GUCY1A2: variants seen among roughly 807,000 people sequenced by gnomAD.
GUCY1A2 encodes the protein guanylate cyclase soluble subunit alpha-2.
A neutral mutation model predicts 63.5 loss-of-function variants in GUCY1A2; 27 were observed. That is an observed-to-expected ratio of 0.43 (90% confidence interval 0.31 to 0.59). The LOEUF (loss-of-function observed/expected upper bound fraction) is 0.59, where lower values mean the gene tolerates loss of function less well. Among genes scored for constraint, GUCY1A2 ranks in the 20% least tolerant of loss-of-function variants. GUCY1A2 has a pLI of 0.11. For synonymous variants in GUCY1A2, 364 were observed against 343.5 expected, an observed-to-expected ratio of 1.06 and a Z score of -0.66; for missense variants, 768 against 913.3, an observed-to-expected ratio of 0.84 and a Z score of 2.05.
chr11:106,977,199 T>C (rs1012017107), intron 3 of GUCY1A2, among the ~76,000 whole-genome samples: 1 of 152,178 alleles, frequency 6.6e-6, no homozygotes, highest in African/African-American at 2.4e-5. Context: ...TAGTGTGGCA[T>C]CATCACCCCA....
chr11:106,706,655 TC>T (rs1459555885), intron 7 of GUCY1A2, among the ~76,000 whole-genome samples: 1 of 135,220 alleles, frequency 7.4e-6, no homozygotes, highest in Admixed American at 7.7e-5. Context: ...CTTTTACACA[TC>T]TTTTTTTTTT....
chr11:106,779,803 T>A (rs1864426833), intron 5 of GUCY1A2, among the ~76,000 whole-genome samples: 1 of 152,194 alleles, frequency 6.6e-6, no homozygotes, highest in Admixed American at 6.5e-5. Flanking sequence ...TGTTACCAAC[T>A]GATACATAAA....
rs534405408 is a variant in GUCY1A2, at chr11:106,895,778, A to G, written c.1206+43682T>C. 4.6e-5 allele frequency among the ~76,000 whole-genome samples: 7 copies of G among 152,260 alleles called. No homozygotes were observed. The East Asian group carries it at 1.4e-3, about 29-fold the overall frequency. On this transcript the variant is annotated intron_variant, in intron 4 of 7. Transcript: ENST00000526355. Reference sequence around the variant, plus strand: ...GAGGCCAGTATCACCCTAATAACAAAACCAGACAAAGACATTACAAGAAAA... The same window carrying G: ...GAGGCCAGTATCACCCTAATAACAAGACCAGACAAAGACATTACAAGAAAA...
At chr11:106,941,275 A>G (rs916070805) in intron 3 of GUCY1A2, among the ~76,000 whole-genome samples, 1 of 152,198 alleles carries the variant, frequency 6.6e-6, no homozygotes, top group Non-Finnish European at 1.5e-5. Flanking sequence ...GGATATTACA[A>G]TGAAAAATAA....
At chr11:106,724,552 A>G (rs927818529) in intron 6 of GUCY1A2, among the ~76,000 whole-genome samples, 1 of 152,098 alleles carries the variant, frequency 6.6e-6, no homozygotes, top group African/African-American at 2.4e-5. Context: ...TTCCAACCAC[A>G]CTGGGTTATC....
At chr11:106,878,782 T>TA (rs372754272) in intron 4 of GUCY1A2, among the ~76,000 whole-genome samples, 94,684 of 137,982 alleles carry the variant, frequency 0.69, 32,559 homozygotes, top group Non-Finnish European at 0.75. Flanking sequence ...ACTTAAAAGT[T>TA]AAAAAAAAAA....
At chr11:106,839,532 T>C (rs1859166631) in intron 4 of GUCY1A2, among the ~76,000 whole-genome samples, 1 of 152,002 alleles carries the variant, frequency 6.6e-6, no homozygotes, top group Non-Finnish European at 1.5e-5. Context: ...GGAATATAAA[T>C]CACGCTACTA....
intron 1 of GUCY1A2, among the ~76,000 whole-genome samples, chr11:107,006,641 A>G (rs975768553): frequency 6.6e-6 from 1 of 152,230 alleles, no homozygotes; most frequent in African/African-American, 2.4e-5. Flanking sequence ...ACTTGGTCAG[A>G]CCACAAGTAC....
chr11:106,675,976 A>G lies in GUCY1A2; in HGVS notation c.*11573T>C. On this transcript the variant is annotated 3_prime_UTR_variant, in exon 8 of 8. Transcript: ENST00000526355. ...AACAGAAAAGTCCAAATAAGAAATG[A>G]GAACCAAAATTCAAGGGTATTTAAC... The G allele has an allele frequency of 5.2e-6, 1 of 190,928 alleles. No homozygotes were observed. Among genetic ancestry groups the G allele is most frequent in the Non-Finnish European group, 1.1e-5 (1 of 90,954 alleles). The allele number at this position is 190,928 out of a possible 1,614,324, so 11.8% of individuals were successfully genotyped here.
chr11:106,892,783 C>T (rs1859992265), intron 4 of GUCY1A2, among the ~76,000 whole-genome samples: 1 of 152,070 alleles, frequency 6.6e-6, no homozygotes, highest in Non-Finnish European at 1.5e-5. Context: ...TGAAAATTAT[C>T]CAATGTGTAG....
At chr11:106,979,481 A>G (rs1042601050) in intron 2 of GUCY1A2, among the ~76,000 whole-genome samples, 43 of 151,680 alleles carry the variant, frequency 2.8e-4, no homozygotes, top group Non-Finnish European at 5.9e-4. Flanking sequence ...AAAAAGAAGA[A>G]GATAGCAGTA....
intron 4 of GUCY1A2, among the ~76,000 whole-genome samples, chr11:106,854,783 C>T (rs927678707): frequency 1.3e-5 from 2 of 152,128 alleles, no homozygotes; most frequent in Non-Finnish European, 2.9e-5. Flanking sequence ...TGAAGGTGCA[C>T]ACAGTTGTGA....
chr11:106,846,144 A>G (rs58609953), intron 4 of GUCY1A2, among the ~76,000 whole-genome samples: 38,711 of 151,422 alleles, frequency 0.26, 5,039 homozygotes, highest in African/African-American at 0.32. Context: ...GTAATACTCA[A>G]TTGGATCCTA....
Position 106,746,323 on chromosome 11 carries a change from T to G in GUCY1A2, c.1836+30116A>C, listed in dbSNP as rs918324270. ...TTTGTAGAGTGAAGAATGTGAGACATACTTTATAGGGTTTCTGTGAGGACT... is the reference window on the plus strand; with the variant it reads ...TTTGTAGAGTGAAGAATGTGAGACAGACTTTATAGGGTTTCTGTGAGGACT... On this transcript the variant is annotated intron_variant, in intron 6 of 7. Coordinates refer to ENST00000526355, the MANE Select transcript of GUCY1A2 (RefSeq NM_000855.3). 2.6e-5 allele frequency among the ~76,000 whole-genome samples: 4 copies of G among 152,360 alleles called. No homozygotes were observed. The East Asian group carries it at 7.7e-4, about 29-fold the overall frequency.
chr11:106,991,787 T>C (rs1183585624), intron 1 of GUCY1A2, among the ~76,000 whole-genome samples: 6 of 152,236 alleles, frequency 3.9e-5, no homozygotes, highest in Non-Finnish European at 7.3e-5. Flanking sequence ...GATTTTTTTC[T>C]TTAATCTCAC....
At chr11:106,950,602 G>A (rs1010352624) in intron 3 of GUCY1A2, among the ~76,000 whole-genome samples, 2 of 152,122 alleles carry the variant, frequency 1.3e-5, no homozygotes, top group Non-Finnish European at 2.9e-5. Context: ...TGGGGGAGGG[G>A]ATTACTGTGA....
intron 6 of GUCY1A2, among the ~76,000 whole-genome samples, chr11:106,724,973 G>T (rs1046524697): frequency 1.4e-4 from 21 of 151,952 alleles, no homozygotes; most frequent in African/African-American, 5.1e-4. Flanking sequence ...TTAAAAAGAA[G>T]CCTGCAACAA....
At chr11:106,802,177 T>C (rs1175728329) in intron 5 of GUCY1A2, among the ~76,000 whole-genome samples, 3 of 152,202 alleles carry the variant, frequency 2.0e-5, no homozygotes, top group African/African-American at 7.2e-5. Flanking sequence ...AAGGCTATCC[T>C]ATCAGGTGAG....
chr11:106,782,052 A>T (rs1864474507), intron 5 of GUCY1A2, among the ~76,000 whole-genome samples: 2 of 152,192 alleles, frequency 1.3e-5, no homozygotes, highest in Admixed American at 1.3e-4. Context: ...GGGGGTCAGT[A>T]TTGAGGATAA....
Sources: allele counts gnomAD v4.1 joint callset (sites outside exome capture counted in the v4.1 genomes callset), GRCh38; gene constraint gnomAD v4.1.1; transcripts MANE v1.5; gene names NCBI Gene and HGNC (gene_info 2026-07-23, HGNC 2026-07-21).